The following SPATA13 variants were observed in gnomAD, a reference collection of about 807,000 sequenced individuals.
The protein encoded by SPATA13 is spermatogenesis-associated protein 13.
A neutral mutation model predicts 104.0 loss-of-function variants in SPATA13; 50 were observed. The observed-to-expected ratio is 0.48, with a 90% CI of 0.38 to 0.61. SPATA13 has a LOEUF of 0.61. SPATA13 is among the 20% of genes least tolerant of loss of function. The pLI is 0.00. For missense variants in SPATA13, 1,524 were observed against 1,690.6 expected (o/e 0.90, Z 1.73); for synonymous variants, 606 against 667.5 (o/e 0.91, Z 1.42).
chr13:24,108,369 G>A (rs1257803331), intron 3 of SPATA13, among the ~76,000 whole-genome samples: 1 of 152,220 alleles, frequency 6.6e-6, no homozygotes, highest in Non-Finnish European at 1.5e-5. Flanking sequence ...TGTTCTCTCA[G>A]TGTTGAACTT....
At chr13:24,056,269 T>C (rs1878538912) in intron 3 of SPATA13, among the ~76,000 whole-genome samples, 1 of 152,236 alleles carries the variant, frequency 6.6e-6, no homozygotes, top group African/African-American at 2.4e-5. Context: ...GAATATCTAC[T>C]ATATGTCCAC....
chr13:24,166,124 G>A (rs932034394), intron 1 of SPATA13, among the ~76,000 whole-genome samples: 14 of 152,288 alleles, frequency 9.2e-5, no homozygotes, highest in Admixed American at 1.3e-4. Context: ...GTGTAATACC[G>A]ATGATACTTC....
intron 4 of SPATA13, among the ~76,000 whole-genome samples, chr13:24,277,337 G>A (rs1250780330): frequency 2.0e-5 from 3 of 151,570 alleles, no homozygotes; most frequent in Non-Finnish European, 4.4e-5. Flanking sequence ...CCAGCTACTC[G>A]GGAGGCTGAG....
At chr13:23,981,656 C>A (rs556578039) in intron 1 of SPATA13, among the ~76,000 whole-genome samples, 1 of 152,316 alleles carries the variant, frequency 6.6e-6, no homozygotes, top group Admixed American at 6.5e-5. Flanking sequence ...TCTTTCAAGG[C>A]AGGCATTTTT....
At chr13:24,230,992 T>G (rs1593442373) in intron 2 of SPATA13, among the ~76,000 whole-genome samples, 1 of 152,134 alleles carries the variant, frequency 6.6e-6, no homozygotes, top group South Asian at 2.1e-4. Context: ...GGTATGCAGT[T>G]TGATGATTTT....
intron 3 of SPATA13, among the ~76,000 whole-genome samples, chr13:24,065,019 G>T (rs1878901411): frequency 6.6e-6 from 1 of 151,698 alleles, no homozygotes; most frequent in Non-Finnish European, 1.5e-5. Context: ...AATGCAACGT[G>T]ACATCCTGGA....
chr13:24,036,066 G>A (rs1173556900), intron 3 of SPATA13, among the ~76,000 whole-genome samples: 1 of 151,070 alleles, frequency 6.6e-6, no homozygotes, highest in Non-Finnish European at 1.5e-5. Flanking sequence ...ATCCTATGCA[G>A]CTTTTGTTTC....
intron 3 of SPATA13, among the ~76,000 whole-genome samples, chr13:24,108,678 T>G (rs1192606012): frequency 1.3e-5 from 2 of 151,866 alleles, no homozygotes; most frequent in African/African-American, 2.4e-5. Flanking sequence ...GGAAGCCTGA[T>G]GCTGGGACCC....
chr13:24,090,920 G>A (rs747667905), intron 3 of SPATA13, among the ~76,000 whole-genome samples: 7 of 152,012 alleles, frequency 4.6e-5, no homozygotes, highest in African/African-American at 1.5e-4. Flanking sequence ...CTCCTCTCTC[G>A]GATTTTTGTT....
intron 2 of SPATA13, among the ~76,000 whole-genome samples, chr13:24,240,202 A>G (rs1266488912): frequency 1.3e-5 from 2 of 151,884 alleles, no homozygotes; most frequent in African/African-American, 4.8e-5. Context: ...TGAGGCTGCA[A>G]TGAGCCGTGA....
chr13:24,001,336 C>T (rs2137672883), intron 2 of SPATA13, among the ~76,000 whole-genome samples: 1 of 151,888 alleles, frequency 6.6e-6, no homozygotes, highest in South Asian at 2.1e-4. Context: ...TAATGTGTCT[C>T]GTGGGAAGGC....
chr13:24,277,321 G>A (rs1171148805), intron 4 of SPATA13, among the ~76,000 whole-genome samples: 1 of 151,912 alleles, frequency 6.6e-6, no homozygotes, highest in South Asian at 2.1e-4. Context: ...GCGGGCGCCT[G>A]TAGTCCCAGC....
At chr13:24,222,219 T>C (rs1040258217) in intron 1 of SPATA13, among the ~76,000 whole-genome samples, 1 of 152,180 alleles carries the variant, frequency 6.6e-6, no homozygotes, top group African/African-American at 2.4e-5. Flanking sequence ...TGCCCTGGCA[T>C]GTCCTTGCTG....
chr13:24,230,804 C>G (rs746448160), intron 2 of SPATA13, among the ~76,000 whole-genome samples: 4 of 152,056 alleles, frequency 2.6e-5, no homozygotes, highest in Admixed American at 1.3e-4. Context: ...GCAGTTAGGT[C>G]TGGACATCAT....
intron 2 of SPATA13, among the ~76,000 whole-genome samples, chr13:23,999,994 G>A (rs576505857): frequency 6.6e-6 from 1 of 152,172 alleles, no homozygotes; most frequent in Non-Finnish European, 1.5e-5. Context: ...AGTCAAAAAC[G>A]ATCTGGCCTA....
intron 1 of SPATA13, among the ~76,000 whole-genome samples, chr13:24,183,380 C>T (rs139912724): frequency 5.3e-5 from 8 of 152,280 alleles, no homozygotes; most frequent in Admixed American, 2.0e-4. Context: ...CATTTAACAA[C>T]GGCATCATCA....
At chr13:24,001,789 C>T (rs1002377270) in intron 2 of SPATA13, among the ~76,000 whole-genome samples, 5 of 151,528 alleles carry the variant, frequency 3.3e-5, no homozygotes, top group African/African-American at 1.2e-4. Context: ...TGGGTGGGGG[C>T]CGGGAGGTGA....
chr13:24,265,530 C>T (rs551636057), intron 4 of SPATA13, among the ~76,000 whole-genome samples: 6 of 152,312 alleles, frequency 3.9e-5, no homozygotes, highest in South Asian at 4.1e-4. Context: ...AGTGCAGCCC[C>T]GTCTCAGCTG....
chr13:24,222,442 G>A (rs1205693138), intron 1 of SPATA13, among the ~76,000 whole-genome samples: 2 of 151,808 alleles, frequency 1.3e-5, no homozygotes, highest in Admixed American at 6.6e-5. Flanking sequence ...TGAAATCGTT[G>A]TGAGGTTTTC....
Sources: gnomAD v4.1 joint callset for allele counts (sites outside exome capture counted in the v4.1 genomes callset) on GRCh38, gnomAD v4.1.1 for gene constraint, MANE v1.5 for transcripts, NCBI Gene and HGNC (gene_info 2026-07-23, HGNC 2026-07-21) for gene names.